The following ELFN1 variants were observed in gnomAD, a reference collection of about 807,000 sequenced individuals.
ELFN1 encodes the protein extracellular leucine rich repeat and fibronectin type III domain containing 1.
In ELFN1, 6 loss-of-function variants were observed where a neutral mutation model predicts 7.6. The observed-to-expected ratio is 0.79, with a 90% CI of 0.43 to 1.56. ELFN1 has a LOEUF of 1.56. Ranked by LOEUF, ELFN1 falls within the 40% of genes most tolerant of loss-of-function variation. ELFN1 has a pLI of 0.01. For missense variants in ELFN1, 1,169 were observed against 1,232.2 expected (o/e 0.95, Z 0.77); for synonymous variants, 657 against 588.1 (o/e 1.12, Z -1.70).
At chr7:1,674,538 G>T (rs1447918310) in intron 1 of ELFN1, among the ~76,000 whole-genome samples, 1 of 152,134 alleles carries the variant, frequency 6.6e-6, no homozygotes, top group East Asian at 1.9e-4. Context: ...ACAGGAAGAG[G>T]CAGGCATCCA....
intron 3 of ELFN1, among the ~76,000 whole-genome samples, chr7:1,738,315 C>T (rs1780508409): frequency 6.6e-6 from 1 of 152,194 alleles, no homozygotes; most frequent in African/African-American, 2.4e-5. Flanking sequence ...CCGATGAGAC[C>T]TGGCGGGGTA....
intron 2 of ELFN1, among the ~76,000 whole-genome samples, chr7:1,698,820 A>G (rs1442764003): frequency 6.6e-6 from 1 of 152,168 alleles, no homozygotes; most frequent in Non-Finnish European, 1.5e-5. Flanking sequence ...TACATACAGA[A>G]AAGTTCACAA....
At chr7:1,738,699 C>G (rs1780520534) in intron 3 of ELFN1, 1 of 152,020 alleles carries the variant, frequency 6.6e-6, no homozygotes, top group African/African-American at 2.4e-5. Flanking sequence ...GGAAGCAGAG[C>G]CAGCGCATCC....
At position 1,746,667 on chromosome 7, in the gene ELFN1, C is replaced by CGGGCCG; in HGVS notation, c.2072_2077dup (p.Ala692_Glu693insGlyAla). On this transcript the variant is annotated inframe_insertion, in exon 4 of 4. Transcript: ENST00000424383. ...TGTGACACCCGCGGCCGCCGTGCTG[C>CGGGCCG]GGGCCGAGGCCGAGAAGGGTCGCCA... The CGGGCCG allele has an allele frequency of 7.2e-7, 1 of 1,380,648 alleles. No individual in the cohort carries two copies. The highest frequency in any genetic ancestry group is 9.3e-7 in the Non-Finnish European group (1 of 1,073,300). 85.5% of individuals were successfully genotyped at this position (1,380,648 alleles called of 1,614,324 possible).
At position 1,701,088 on chromosome 7, in the gene ELFN1, T is replaced by C. The variant is rs537307383; in HGVS notation, c.-455-8003T>C. On this transcript the variant is annotated intron_variant, in intron 2 of 3. Transcript: ENST00000424383. Reference sequence around the variant, plus strand: ...GCGTGTGTATGTGTGCGTGTGTGTGTGCGCGTGTGTGTGCGCATATGTGTG... The same window carrying C: ...GCGTGTGTATGTGTGCGTGTGTGTGCGCGCGTGTGTGTGCGCATATGTGTG... 5.6e-4 allele frequency among the ~76,000 whole-genome samples: 85 copies of C among 151,556 alleles called. 1 individual carries two copies. Among genetic ancestry groups the C allele is most frequent in the Non-Finnish European group, 9.7e-4 (66 of 67,872 alleles).
chr7:1,736,034 GC>G (rs1383870447), intron 3 of ELFN1, among the ~76,000 whole-genome samples: 1 of 152,126 alleles, frequency 6.6e-6, no homozygotes, highest in Non-Finnish European at 1.5e-5. Context: ...GCACAGGCGG[GC>G]CCCCCACCTG....
chr7:1,727,113 G>A (rs143320065), intron 3 of ELFN1, among the ~76,000 whole-genome samples: 425 of 152,188 alleles, frequency 2.8e-3, no homozygotes, highest in African/African-American at 9.8e-3. Context: ...ACCCTGTTCC[G>A]TCCATCTTGG....
intron 3 of ELFN1, among the ~76,000 whole-genome samples, chr7:1,726,805 G>A (rs953180372): frequency 6.6e-6 from 1 of 152,218 alleles, no homozygotes; most frequent in African/African-American, 2.4e-5. Context: ...CCACAGGCGG[G>A]CTGGGATGCC....
In ELFN1 at chr7:1,739,802, C is replaced by T. The variant is rs1346619259; in HGVS notation, c.-293-4502C>T. Among the ~76,000 whole-genome samples, 1 of 152,014 alleles carries T rather than the reference C, an allele frequency of 6.6e-6. No individual in the cohort carries two copies. The highest frequency in any genetic ancestry group is 1.5e-5 in the Non-Finnish European group (1 of 67,990). On this transcript the variant is annotated intron_variant, in intron 3 of 3. Coordinates refer to ENST00000424383, the MANE Select transcript of ELFN1 (RefSeq NM_001128636.4). This position sits in a 1 kb window ranked among gnomAD's most constrained non-coding sequence, Gnocchi z 4.6. ...TCACCGGTGGCCTTGGTGAGAGCGG[C>T]TCAGAGGGCCCGAGGGGGGACGCCC...
chr7:1,696,768 C>T (rs773337309), intron 2 of ELFN1, among the ~76,000 whole-genome samples: 1 of 152,164 alleles, frequency 6.6e-6, no homozygotes, highest in Non-Finnish European at 1.5e-5. Flanking sequence ...CGGCTAACTC[C>T]GATCACCTCC....
rs1383408267 is a variant in ELFN1 at position 1,744,446 on chromosome 7, C to G, written c.-151C>G. 3.4e-6 allele frequency: 3 copies of G among 888,154 alleles called. No individual in the cohort carries two copies. The highest frequency in any genetic ancestry group is 1.8e-5 in the African/African-American group (1 of 56,080). 55.0% of individuals were successfully genotyped at this position (888,154 alleles called of 1,614,324 possible). Reference sequence around the variant, plus strand: ...GAGGCGCCCTCCCTCCCCGCGCTTACGTCGCGCGGCCATGCGGTTTGGGAC... The same window carrying G: ...GAGGCGCCCTCCCTCCCCGCGCTTAGGTCGCGCGGCCATGCGGTTTGGGAC... On this transcript the variant is annotated 5_prime_UTR_variant, in exon 4 of 4. Coordinates refer to ENST00000424383, the MANE Select transcript of ELFN1 (RefSeq NM_001128636.4).
chr7:1,708,607 T>A (rs1779586293), intron 2 of ELFN1, among the ~76,000 whole-genome samples: 1 of 152,188 alleles, frequency 6.6e-6, no homozygotes, highest in Non-Finnish European at 1.5e-5. Context: ...CCAGGGTCTC[T>A]ACCTAATCAG....
Position 1,746,525 on chromosome 7 carries a change from C to G in ELFN1, c.1929C>G (p.Ser643Arg). 1 of 1,447,570 alleles carries G rather than the reference C, an allele frequency of 6.9e-7. No homozygotes were observed. Among genetic ancestry groups the G allele is most frequent in the Non-Finnish European group, 9.0e-7 (1 of 1,110,386 alleles). 89.7% of individuals were successfully genotyped at this position (1,447,570 alleles called of 1,614,324 possible). A position where few individuals can be genotyped will look rare whatever the true frequency, so the allele number is the denominator to read the frequency against. The change falls in exon 4 of 4, where the codon AGC becomes AGG. Residue 643 changes from serine to arginine, a missense_variant. This residue lies in a region of ELFN1 where 914 missense variants were observed against 872.6 expected (regional missense o/e 1.05). Coordinates refer to ENST00000424383, the MANE Select transcript of ELFN1 (RefSeq NM_001128636.4). Reference sequence around the variant, plus strand: ...CCCCTCGTGCCAGCACCTCGTCCAGCGGCTCCGTGCGCAGCCCCCGCGCCT... The same window carrying G: ...CCCCTCGTGCCAGCACCTCGTCCAGGGGCTCCGTGCGCAGCCCCCGCGCCT... Reference protein sequence around the residue: ...AGPPRASTSSSGSVRSPRAFR... With the variant: ...AGPPRASTSSRGSVRSPRAFR...
At chr7:1,667,317 C>T (rs1229593140), upstream of ELFN1, among the ~76,000 whole-genome samples, 1 of 152,120 alleles carries the variant, frequency 6.6e-6, no homozygotes, top group Non-Finnish European at 1.5e-5. This position sits in a 1 kb window ranked among gnomAD's most constrained non-coding sequence, Gnocchi z 8.2. Context: ...CCTCCCAACC[C>T]ACGGCGAGCG....
chr7:1,693,517 A>G, intron 2 of ELFN1: 2 of 471,170 alleles, frequency 4.2e-6, no homozygotes, highest in Non-Finnish European at 8.8e-6. Context: ...GTGGGGCGTG[A>G]CCCACTTCCT....
At chr7:1,674,183 C>T (rs1285919585) in intron 1 of ELFN1, among the ~76,000 whole-genome samples, 9 of 142,316 alleles carry the variant, frequency 6.3e-5, no homozygotes, top group South Asian at 2.2e-4. Context: ...GCCCAGGAGC[C>T]GGTGGGGAAA....
upstream of ELFN1, among the ~76,000 whole-genome samples, chr7:1,666,442 C>T (rs1778672402): frequency 6.6e-6 from 1 of 151,990 alleles, no homozygotes; most frequent in African/African-American, 2.4e-5. The surrounding 1 kb of genome is among the most constrained non-coding windows in gnomAD (Gnocchi z 7.9). Context: ...TCCCGGGCGT[C>T]CCCATCCACC....
In ELFN1 at chr7:1,745,941, A is replaced by C. The variant is rs868390199; in HGVS notation, c.1345A>C (p.Lys449Gln). 6.4e-7 allele frequency: 1 copy of C among 1,556,506 alleles called. No individual in the cohort carries two copies. The highest frequency in any genetic ancestry group is 8.7e-7 in the Non-Finnish European group (1 of 1,151,616). The change falls in exon 4 of 4, where the codon AAG becomes CAG. Residue 449 changes from lysine (K) to glutamine (Q), a missense_variant. Transcript: ENST00000424383. ...GCGCAGGCGGCGGCGCCAGGAGGAG[A>C]AGCACAAGAAGGCCGCCTCGGCAGC... ...CLRRRRRQEEKHKKAASAAAA... is the reference protein window; with the variant it reads ...CLRRRRRQEEQHKKAASAAAA...
upstream of ELFN1, among the ~76,000 whole-genome samples, chr7:1,669,339 G>A (rs1778716978): frequency 1.3e-5 from 2 of 151,500 alleles, no homozygotes; most frequent in South Asian, 2.1e-4. Flanking sequence ...CGGGGGACAG[G>A]AAGCGGGGAG....
Sources: allele counts gnomAD v4.1 joint callset (sites outside exome capture counted in the v4.1 genomes callset), GRCh38; gene constraint gnomAD v4.1.1; regional missense constraint gnomAD v4.1.1; non-coding constraint Gnocchi (gnomAD v3.1); transcripts MANE v1.5; gene names NCBI Gene and HGNC (gene_info 2026-07-23, HGNC 2026-07-21).